The following MCC variants were observed in gnomAD, a reference collection of about 807,000 sequenced individuals.
MCC encodes the protein MCC regulator of Wnt signaling pathway.
Under a neutral mutation model 116.2 loss-of-function variants are expected in MCC, and 90 were observed. That is an observed-to-expected ratio of 0.77 (90% CI 0.65 to 0.92). The LOEUF is 0.92. Ranked by LOEUF, MCC falls within the 40% of genes least tolerant of loss-of-function variation. MCC has a pLI of 0.00. For synonymous variants in MCC, 578 were observed against 510.5 expected (o/e 1.13, Z -1.78); for missense variants, 1,516 against 1,312.2 (o/e 1.16, Z -2.40).
chr5:113,085,449 A>T (rs1755147590), intron 8 of MCC, 139 bp from the exon 9 acceptor site: 1 of 718,060 alleles, frequency 1.4e-6, no homozygotes, highest in African/African-American at 1.8e-5. Flanking sequence ...AGTCCACATA[A>T]AAGTCATTAT....
At chr5:113,210,059 G>C (rs1393824806) in intron 3 of MCC, among the ~76,000 whole-genome samples, 1 of 152,150 alleles carries the variant, frequency 6.6e-6, no homozygotes, top group Non-Finnish European at 1.5e-5. Flanking sequence ...TCTCACCGCA[G>C]CCATAATGTG....
At chr5:113,156,693 A>G (rs1004864109) in intron 3 of MCC, among the ~76,000 whole-genome samples, 4 of 152,108 alleles carry the variant, frequency 2.6e-5, no homozygotes, top group Non-Finnish European at 2.9e-5. Flanking sequence ...GATCTAGTGC[A>G]TGAAGGATAT....
At chr5:113,457,245 G>C (rs1419268665) in intron 1 of MCC, among the ~76,000 whole-genome samples, 1 of 152,244 alleles carries the variant, frequency 6.6e-6, no homozygotes, top group Non-Finnish European at 1.5e-5. Context: ...CGGAGCAGCT[G>C]GCTGGGCCTG....
At position 113,025,774 on chromosome 5, in the gene MCC, G is replaced by A. The variant is rs1750499938; in HGVS notation, c.*1528C>T. 6.6e-6 allele frequency: 1 copy of A among 152,138 alleles called. No homozygotes were observed. The allele number at this position is 152,138 out of a possible 1,614,324, so 9.4% of individuals were successfully genotyped here. A position where few individuals can be genotyped will look rare whatever the true frequency, so the allele number is the denominator to read the frequency against. On this transcript the variant is annotated 3_prime_UTR_variant, in exon 19 of 19. Transcript: ENST00000408903. ...GCTGGCCTCTCAGTGGTTGCTTTTA[G>A]GATACAGCTGTCTGCCCTCCGAACT...
chr5:113,370,597 C>A (rs573802696), intron 2 of MCC, among the ~76,000 whole-genome samples: 3 of 152,318 alleles, frequency 2.0e-5, no homozygotes, highest in South Asian at 4.2e-4. Flanking sequence ...TAAGGTCTTT[C>A]TTCTAACAGA....
At chr5:113,069,025 T>C (rs192662098) in intron 12 of MCC, among the ~76,000 whole-genome samples, 24 of 152,382 alleles carry the variant, frequency 1.6e-4, no homozygotes, top group Admixed American at 9.1e-4. Flanking sequence ...CAATATAGTA[T>C]CTACTAGCCA....
intron 17 of MCC, among the ~76,000 whole-genome samples, chr5:113,032,428 AAAG>A (rs902882494): frequency 2.6e-5 from 4 of 151,836 alleles, no homozygotes; most frequent in African/African-American, 7.3e-5. Context: ...AAAAAAAAAA[AAAG>A]GATACTGATT....
chr5:113,107,816 C>G (rs144239533), intron 6 of MCC, among the ~76,000 whole-genome samples: 1 of 152,134 alleles, frequency 6.6e-6, no homozygotes, highest in African/African-American at 2.4e-5. Flanking sequence ...ACAGCAGAGC[C>G]GGAGTGGTGG....
At chr5:113,187,719 C>A (rs1304161029) in intron 3 of MCC, among the ~76,000 whole-genome samples, 1 of 147,000 alleles carries the variant, frequency 6.8e-6, no homozygotes, top group Non-Finnish European at 1.5e-5. Flanking sequence ...CGCGCCACTG[C>A]ACTCCGGCCT....
chr5:113,449,678 T>A (rs1771331261), intron 1 of MCC, among the ~76,000 whole-genome samples: 1 of 152,168 alleles, frequency 6.6e-6, no homozygotes, highest in Admixed American at 6.5e-5. Context: ...TGGAGGAGGC[T>A]CAGAGGTAAA....
chr5:113,258,852 A>G (rs1262621782), intron 3 of MCC, among the ~76,000 whole-genome samples: 1 of 152,214 alleles, frequency 6.6e-6, no homozygotes, highest in East Asian at 1.9e-4. Context: ...ATAAAGTAAT[A>G]TATCTTATCA....
At chr5:113,386,316 T>C (rs1040826796) in intron 1 of MCC, among the ~76,000 whole-genome samples, 2 of 152,306 alleles carry the variant, frequency 1.3e-5, no homozygotes, top group African/African-American at 4.8e-5. Flanking sequence ...CTAAGACCAC[T>C]CTTCAAGTCA....
intron 4 of MCC, among the ~76,000 whole-genome samples, chr5:113,150,879 T>C (rs1759818870): frequency 1.3e-5 from 2 of 152,088 alleles, no homozygotes; most frequent in African/African-American, 2.4e-5. Flanking sequence ...CTGGACAACA[T>C]GGCGAAACCC....
At chr5:113,300,457 G>A (rs745575359) in intron 3 of MCC, among the ~76,000 whole-genome samples, 5 of 152,138 alleles carry the variant, frequency 3.3e-5, no homozygotes, top group African/African-American at 4.8e-5. Context: ...TCACACACAC[G>A]TGAATAATCT....
chr5:113,189,747 AAGT>A (rs1762065960), intron 3 of MCC, among the ~76,000 whole-genome samples: 1 of 152,204 alleles, frequency 6.6e-6, no homozygotes, highest in African/African-American at 2.4e-5. Context: ...TTGAAAAAGG[AAGT>A]AGGTTAAATT....
chr5:113,419,108 G>C (rs530446961), intron 1 of MCC, among the ~76,000 whole-genome samples: 2 of 152,004 alleles, frequency 1.3e-5, no homozygotes, highest in African/African-American at 4.8e-5. Flanking sequence ...CCAAGAACAC[G>C]TATCTGCTAA....
At chr5:113,130,027 C>T (rs767740934) in intron 5 of MCC, among the ~76,000 whole-genome samples, 2 of 152,190 alleles carry the variant, frequency 1.3e-5, no homozygotes, top group Non-Finnish European at 2.9e-5. Context: ...TATAAAGACA[C>T]ATGCACATGT....
chr5:113,059,145 T>TAAGA lies in MCC; in HGVS notation c.2213+4838_2213+4839insTCTT, dbSNP rs67326719. Reference sequence around the variant, plus strand: ...GTATAGTTTTCAAAGAGGAAGGAAATAAAAAAAAAAAATAACAAAAGATCT... The same window carrying TAAGA: ...GTATAGTTTTCAAAGAGGAAGGAAATAAGAAAAAAAAAAAAATAACAAAAGATCT... On this transcript the variant is annotated intron_variant, in intron 14 of 18. Transcript: ENST00000408903. Among the ~76,000 whole-genome samples the TAAGA allele has an allele frequency of 5.4e-3, 806 of 149,668 alleles. 5 individuals are homozygous for TAAGA. Among genetic ancestry groups the TAAGA allele is most frequent in the South Asian group, 6.9e-3 (33 of 4,760 alleles).
intron 3 of MCC, among the ~76,000 whole-genome samples, chr5:113,231,406 T>C (rs1763937267): frequency 6.6e-6 from 1 of 152,168 alleles, no homozygotes; most frequent in East Asian, 1.9e-4. Context: ...CAAAGTGGTG[T>C]CCTTTTGTTT....
Sources: gnomAD v4.1 joint callset for allele counts (sites outside exome capture counted in the v4.1 genomes callset) on GRCh38, gnomAD v4.1.1 for gene constraint, MANE v1.5 for transcripts, NCBI Gene and HGNC (gene_info 2026-07-23, HGNC 2026-07-21) for gene names.